USH2A: variants seen among roughly 807,000 people sequenced by gnomAD.
The protein encoded by USH2A is Usher syndrome 2A (autosomal recessive, mild).
A neutral mutation model predicts 538.9 loss-of-function variants in USH2A; 443 were observed. The ratio of observed to expected loss-of-function variants is 0.82; its 90% confidence interval spans 0.76 to 0.89. The LOEUF is 0.89. Ranked by LOEUF, USH2A falls within the 40% of genes least tolerant of loss-of-function variation. The pLI is 0.00. For synonymous variants in USH2A, 2,413 were observed against 2,273.5 expected, an observed-to-expected ratio of 1.06 and a Z score of -1.75; for missense variants, 6,633 against 6,324.8, an observed-to-expected ratio of 1.05 and a Z score of -1.65.
chr1:215,775,980 C>T (rs1249883039), intron 55 of USH2A, among the ~76,000 whole-genome samples: 2 of 151,926 alleles, frequency 1.3e-5, no homozygotes, highest in Non-Finnish European at 2.9e-5. Flanking sequence ...CACATAGGCC[C>T]TTATTATACG....
At chr1:216,352,094 C>T (rs2038298281) in intron 4 of USH2A, among the ~76,000 whole-genome samples, 1 of 152,044 alleles carries the variant, frequency 6.6e-6, no homozygotes, top group South Asian at 2.1e-4. Flanking sequence ...ACAGAGTCGT[C>T]TGGAGTTCAG....
intron 47 of USH2A, among the ~76,000 whole-genome samples, chr1:215,835,899 T>A (rs1380776067): frequency 6.6e-6 from 1 of 152,202 alleles, no homozygotes; most frequent in Non-Finnish European, 1.5e-5. Flanking sequence ...TCACTTTCCT[T>A]GTTCTTGTTG....
intron 45 of USH2A, 43 bp from the exon 46 acceptor site, chr1:215,844,539 GA>G (rs1663785275): frequency 6.3e-7 from 1 of 1,591,824 alleles, no homozygotes; most frequent in East Asian, 2.2e-5. Context: ...AGCTGTCTCT[GA>G]AAAAGCACAT....
At chr1:216,146,209 C>G (rs2033700033) in intron 21 of USH2A, among the ~76,000 whole-genome samples, 1 of 152,182 alleles carries the variant, frequency 6.6e-6, no homozygotes, top group African/African-American at 2.4e-5. Flanking sequence ...GGTAAGCGGC[C>G]TTTTTTACTC....
intron 61 of USH2A, among the ~76,000 whole-genome samples, chr1:215,719,383 A>AAAT (rs397953947): frequency 1.8e-3 from 262 of 148,242 alleles, no homozygotes; most frequent in Non-Finnish European, 2.3e-3. Context: ...AAAAAAAAAA[A>AAAT]GCATGTTCTT....
At position 216,011,756 on chromosome 1, in the gene USH2A, C is replaced by T. The variant is rs557952537; in HGVS notation, c.6326-11194G>A. On this transcript the variant is annotated intron_variant, in intron 32 of 71. Transcript: ENST00000307340. ...AATCTATTTTCTTCCTCATACCTGA[C>T]GCATATACTTTCTGCTCCACGGCTC... 1.8e-4 allele frequency among the ~76,000 whole-genome samples: 28 copies of T among 152,100 alleles called. 1 individual carries two copies. Among genetic ancestry groups the T allele is most frequent in the South Asian group, 1.0e-3 (5 of 4,814 alleles).
chr1:215,699,133 G>A (rs1400559473), intron 61 of USH2A, among the ~76,000 whole-genome samples: 2 of 152,122 alleles, frequency 1.3e-5, no homozygotes, highest in Non-Finnish European at 2.9e-5. Context: ...GGTTGTAGAT[G>A]TATGTTGTTA....
chr1:215,803,773 G>A (rs1266455525), intron 49 of USH2A, among the ~76,000 whole-genome samples: 1 of 151,946 alleles, frequency 6.6e-6, no homozygotes, highest in Non-Finnish European at 1.5e-5. Context: ...CACAGAATTG[G>A]AAAAAACTAC....
chr1:216,370,945 T>C (rs74141562), intron 3 of USH2A, among the ~76,000 whole-genome samples: 14,453 of 152,048 alleles, frequency 0.095, 1,976 homozygotes, highest in African/African-American at 0.3. Context: ...ATGCCCCTCA[T>C]TGTGCTGAAC....
intron 21 of USH2A, among the ~76,000 whole-genome samples, chr1:216,114,667 T>C (rs753804462): frequency 2.0e-4 from 31 of 152,100 alleles, no homozygotes; most frequent in Non-Finnish European, 3.8e-4. Context: ...GGGGATATTA[T>C]CCAGAAAGAA....
chr1:215,759,557 A>T lies in USH2A; in HGVS notation c.11231+103T>A, dbSNP rs533402486. On this transcript the variant is annotated intron_variant, in intron 57 of 71. Coordinates refer to ENST00000307340, the MANE Select transcript of USH2A (RefSeq NM_206933.4). Reference sequence around the variant, plus strand: ...TGAATGGCCAATGAATGAGGAAGTTAATTAAACAATTTAACAACTTTCAGT... The same window carrying T: ...TGAATGGCCAATGAATGAGGAAGTTTATTAAACAATTTAACAACTTTCAGT... 15 of 1,418,880 alleles carry T rather than the reference A, an allele frequency of 1.1e-5. No individual in the cohort carries two copies. In the East Asian group the frequency reaches 3.3e-4, roughly 31 times the overall value. 87.9% of individuals were successfully genotyped at this position (1,418,880 alleles called of 1,614,324 possible). A position where few individuals can be genotyped will look rare whatever the true frequency, so the allele number is the denominator to read the frequency against.
At chr1:215,982,082 C>T (rs1667765102) in intron 35 of USH2A, among the ~76,000 whole-genome samples, 2 of 152,220 alleles carry the variant, frequency 1.3e-5, no homozygotes, top group African/African-American at 4.8e-5. Flanking sequence ...TCAAAAGCTT[C>T]CAAGCCAATT....
chr1:215,781,836 A>G (rs1201119077), intron 54 of USH2A, among the ~76,000 whole-genome samples: 1 of 152,194 alleles, frequency 6.6e-6, no homozygotes, highest in Non-Finnish European at 1.5e-5. Context: ...CACAAGATTG[A>G]TATTTGGATA....
At chr1:216,214,922 C>T (rs1457574259) in intron 15 of USH2A, among the ~76,000 whole-genome samples, 2 of 151,864 alleles carry the variant, frequency 1.3e-5, no homozygotes, top group East Asian at 1.9e-4. Flanking sequence ...GAATATCATT[C>T]GCTAGGAAAG....
chr1:215,883,817 A>G (rs1288919671), intron 41 of USH2A, among the ~76,000 whole-genome samples: 1 of 152,200 alleles, frequency 6.6e-6, no homozygotes, highest in African/African-American at 2.4e-5. Context: ...TTTACATACT[A>G]CAGAAAGTAC....
chr1:216,282,471 T>C (rs111894838), intron 11 of USH2A, among the ~76,000 whole-genome samples: 3,492 of 152,338 alleles, frequency 0.023, 120 homozygotes, highest in African/African-American at 0.074. Flanking sequence ...CAGGACCATT[T>C]GTTAAAACGA....
At chr1:216,069,856 G>C (rs2031498666) in intron 30 of USH2A, among the ~76,000 whole-genome samples, 1 of 152,090 alleles carries the variant, frequency 6.6e-6, no homozygotes, top group Admixed American at 6.6e-5. Context: ...TAATCTTTGG[G>C]GGATGGAGAG....
chr1:215,948,300 T>TA (rs1474035785), intron 37 of USH2A, among the ~76,000 whole-genome samples: 1 of 151,858 alleles, frequency 6.6e-6, no homozygotes, highest in Non-Finnish European at 1.5e-5. Flanking sequence ...AATTTTTTTT[T>TA]ATTATAAATG....
chr1:216,392,143 C>T (rs2039121468), intron 3 of USH2A, among the ~76,000 whole-genome samples: 1 of 152,104 alleles, frequency 6.6e-6, no homozygotes, highest in East Asian at 1.9e-4. Context: ...ACAAATTGCA[C>T]TTTTAAGGAT....
Sources: allele counts gnomAD v4.1 joint callset (sites outside exome capture counted in the v4.1 genomes callset), GRCh38; gene constraint gnomAD v4.1.1; transcripts MANE v1.5; gene names NCBI Gene and HGNC (gene_info 2026-07-23, HGNC 2026-07-21).